CNTNAP5: variants seen among roughly 807,000 people sequenced by gnomAD.
The protein encoded by CNTNAP5 is contactin associated protein family member 5.
Under a neutral mutation model 150.2 loss-of-function variants are expected in CNTNAP5, and 72 were observed. The ratio of observed to expected loss-of-function variants is 0.48; its 90% CI spans 0.40 to 0.58. The LOEUF is 0.58. CNTNAP5 is among the 20% of genes least tolerant of loss of function. The probability of loss-of-function intolerance (pLI) is 0.00; values close to 1 mark genes in which losing one functional copy is unlikely to be tolerated. For missense variants in CNTNAP5, 1,636 were observed against 1,626.2 expected, an observed-to-expected ratio of 1.01 and a Z score of -0.10; for synonymous variants, 672 against 619.8, an observed-to-expected ratio of 1.08 and a Z score of -1.25.
intron 7 of CNTNAP5, among the ~76,000 whole-genome samples, chr2:124,480,441 C>A (rs1372926028): frequency 1.3e-5 from 2 of 152,176 alleles, no homozygotes; most frequent in East Asian, 3.9e-4. Flanking sequence ...TAAAGCCAAG[C>A]AAACACTCAC....
intron 3 of CNTNAP5, among the ~76,000 whole-genome samples, chr2:124,371,399 T>C (rs1690522306): frequency 2.0e-5 from 3 of 152,254 alleles, no homozygotes; most frequent in African/African-American, 2.4e-5. Flanking sequence ...TACGATATGG[T>C]AGATTTTCTC....
At chr2:124,861,859 G>A (rs1390070394) in intron 19 of CNTNAP5, among the ~76,000 whole-genome samples, 9 of 152,098 alleles carry the variant, frequency 5.9e-5, no homozygotes, top group South Asian at 2.1e-4. Flanking sequence ...TATCGCCCAC[G>A]CTGGAGTGCA....
chr2:124,601,853 A>G (rs548725644), intron 11 of CNTNAP5, among the ~76,000 whole-genome samples: 1 of 152,326 alleles, frequency 6.6e-6, no homozygotes, highest in East Asian at 1.9e-4. Context: ...CTGATACATC[A>G]CAAAGCTTGA....
intron 19 of CNTNAP5, among the ~76,000 whole-genome samples, chr2:124,816,497 G>C (rs987352683): frequency 1.8e-4 from 15 of 82,300 alleles, no homozygotes; most frequent in Non-Finnish European, 3.3e-4. Context: ...TTTTTTTTGA[G>C]ACAGAGTCTC....
At chr2:124,215,264 T>C (rs571142755) in intron 1 of CNTNAP5, among the ~76,000 whole-genome samples, 1 of 152,192 alleles carries the variant, frequency 6.6e-6, no homozygotes, top group Non-Finnish European at 1.5e-5. Flanking sequence ...ACCGTGGTAA[T>C]CAAGACGATG....
At chr2:124,820,141 T>C (rs1682453955) in intron 19 of CNTNAP5, among the ~76,000 whole-genome samples, 1 of 152,004 alleles carries the variant, frequency 6.6e-6, no homozygotes, top group Non-Finnish European at 1.5e-5. Context: ...ACACCCAGAG[T>C]CAAGCTGTTA....
chr2:124,070,396 G>GAAAAAA (rs70996039), intron 1 of CNTNAP5, among the ~76,000 whole-genome samples: 3 of 72,952 alleles, frequency 4.1e-5, no homozygotes, highest in East Asian at 4.5e-4. Context: ...GCTGAATGGG[G>GAAAAAA]AAAAAAAAAA....
At chr2:124,182,968 T>C (rs1685244922) in intron 1 of CNTNAP5, among the ~76,000 whole-genome samples, 1 of 152,212 alleles carries the variant, frequency 6.6e-6, no homozygotes, top group African/African-American at 2.4e-5. Flanking sequence ...GCATTTTTCT[T>C]CTTCATTCTC....
At chr2:124,633,675 T>C (rs1295214314) in intron 12 of CNTNAP5, among the ~76,000 whole-genome samples, 3 of 152,160 alleles carry the variant, frequency 2.0e-5, no homozygotes, top group African/African-American at 7.2e-5. Context: ...ACTCCACATT[T>C]CCCCTCCACA....
chr2:124,107,875 T>C (rs1325142434), intron 1 of CNTNAP5, among the ~76,000 whole-genome samples: 1 of 152,218 alleles, frequency 6.6e-6, no homozygotes, highest in Admixed American at 6.5e-5. Flanking sequence ...AATCAATATA[T>C]GTAAGATGTG....
intron 20 of CNTNAP5, among the ~76,000 whole-genome samples, chr2:124,867,831 T>C (rs1329636522): frequency 6.6e-6 from 1 of 152,206 alleles, no homozygotes; most frequent in Non-Finnish European, 1.5e-5. Context: ...TTATACCAAC[T>C]ACCTACTGGG....
rs1382409761 is a variant in CNTNAP5, at chr2:124,026,322, G to A, written c.82+590G>A. ...GTTGTTAACCACAAGATCAATGGCT[G>A]CCCCTATTACAGGAGGAAGAGCTTT... On this transcript the variant is annotated intron_variant, in intron 1 of 23. Transcript: ENST00000682447. Among the ~76,000 whole-genome samples, 3 of 152,284 alleles carry A rather than the reference G, an allele frequency of 2.0e-5. No individual in the cohort carries two copies. The East Asian group carries it at 5.8e-4, about 29-fold the overall frequency.
chr2:124,666,571 T>C (rs895596821), intron 13 of CNTNAP5, among the ~76,000 whole-genome samples: 1 of 152,118 alleles, frequency 6.6e-6, no homozygotes, highest in African/African-American at 2.4e-5. Flanking sequence ...TGACAGGGAA[T>C]TCGCTTTTTC....
At chr2:124,252,233 A>T (rs1325567466) in intron 3 of CNTNAP5, among the ~76,000 whole-genome samples, 1 of 152,214 alleles carries the variant, frequency 6.6e-6, no homozygotes, top group Non-Finnish European at 1.5e-5. Flanking sequence ...ACCAAGCCAC[A>T]GCTTGGGCGG....
At chr2:124,763,522 C>G (rs1681000927) in intron 14 of CNTNAP5, 150 bp from the exon 15 acceptor site, 3 of 653,384 alleles carry the variant, frequency 4.6e-6, no homozygotes, top group South Asian at 4.0e-5. Flanking sequence ...TTCACATACA[C>G]TTAGGCGATG....
chr2:124,037,156 T>G (rs1681244984), intron 1 of CNTNAP5, among the ~76,000 whole-genome samples: 1 of 152,208 alleles, frequency 6.6e-6, no homozygotes, highest in Admixed American at 6.5e-5. Context: ...TTATAAAAGT[T>G]GCTTGTATTG....
chr2:124,168,602 C>T (rs1205377872), intron 1 of CNTNAP5, among the ~76,000 whole-genome samples: 2 of 152,108 alleles, frequency 1.3e-5, no homozygotes, highest in Non-Finnish European at 2.9e-5. Context: ...CTGCAAGAAT[C>T]TCATTTGGGG....
At chr2:124,670,230 TTTC>T (rs1455264305) in intron 13 of CNTNAP5, among the ~76,000 whole-genome samples, 10 of 137,754 alleles carry the variant, frequency 7.3e-5, no homozygotes, top group East Asian at 2.0e-4. Flanking sequence ...TCTTTCTTTC[TTTC>T]TTTCTTTTCT....
At chr2:124,311,511 C>A (rs78361192) in intron 3 of CNTNAP5, among the ~76,000 whole-genome samples, 7,001 of 152,160 alleles carry the variant, frequency 0.046, 268 homozygotes, top group South Asian at 0.13. Flanking sequence ...TACAAGGACA[C>A]CAATCCTACT....
Sources: gnomAD v4.1 joint callset for allele counts (sites outside exome capture counted in the v4.1 genomes callset) on GRCh38, gnomAD v4.1.1 for gene constraint, MANE v1.5 for transcripts, NCBI Gene and HGNC (gene_info 2026-07-23, HGNC 2026-07-21) for gene names.